The following WDTC1 variants were observed in gnomAD, a reference collection of about 807,000 sequenced individuals.
WDTC1 encodes WD and tetratricopeptide repeats 1, also known as WD and tetratricopeptide repeats protein 1.
A neutral mutation model predicts 76.0 loss-of-function variants in WDTC1; 12 were observed. That is an observed-to-expected ratio of 0.16 (90% confidence interval 0.10 to 0.26). WDTC1 has a LOEUF of 0.26. WDTC1 is among the 10% of genes least tolerant of loss of function. WDTC1 has a pLI of 1.00. For synonymous variants in WDTC1, 326 were observed against 350.8 expected (o/e 0.93, Z 0.79); for missense variants, 511 against 908.8 (o/e 0.56, Z 5.63).
intron 1 of WDTC1, among the ~76,000 whole-genome samples, chr1:27,237,416 C>G (rs2011513627): frequency 6.6e-6 from 1 of 152,158 alleles, no homozygotes; most frequent in Admixed American, 6.6e-5. Context: ...TGTTTCCTTT[C>G]TTCTTTCCAC....
rs2013024262 is a variant in WDTC1, at chr1:27,276,221, CA to C, written c.133-6017del. On this transcript the variant is annotated intron_variant, in intron 3 of 15. Coordinates refer to ENST00000319394, the MANE Select transcript of WDTC1 (RefSeq NM_001276252.2). The stretch of plus-strand genomic sequence containing the variant: ...AGTTTTTGTGTGGACATGTTTTCTT[CA>C]CTTTTCTTGGTATATACCGAAGGGT... Among the ~76,000 whole-genome samples, 2 of 152,104 alleles carry C rather than the reference CA, an allele frequency of 1.3e-5. 1 individual carries two copies.
chr1:27,251,534 T>C (rs1011285072), intron 1 of WDTC1, among the ~76,000 whole-genome samples: 1 of 152,112 alleles, frequency 6.6e-6, no homozygotes, highest in Non-Finnish European at 1.5e-5. Flanking sequence ...TAGTAGACCT[T>C]TGGGCCGGAG....
chr1:27,275,863 A>C (rs1379914416), intron 3 of WDTC1, among the ~76,000 whole-genome samples: 1 of 152,164 alleles, frequency 6.6e-6, no homozygotes, highest in Non-Finnish European at 1.5e-5. Flanking sequence ...TCATCACCCC[A>C]AAAAGGAACC....
At chr1:27,264,179 T>C (rs2012582717) in intron 3 of WDTC1, among the ~76,000 whole-genome samples, 1 of 152,026 alleles carries the variant, frequency 6.6e-6, no homozygotes, top group Non-Finnish European at 1.5e-5. Flanking sequence ...TCCCAGCTAT[T>C]TGGGAGGCTA....
At position 27,306,762 on chromosome 1, in the gene WDTC1, G is replaced by A. The variant is rs1372137283; in HGVS notation, c.*379G>A. 8.4e-6 allele frequency: 2 copies of A among 238,130 alleles called. No homozygotes were observed. Among genetic ancestry groups the A allele is most frequent in the African/African-American group, 2.2e-5 (1 of 44,502 alleles). The allele number at this position is 238,130 out of a possible 1,614,324, so 14.8% of individuals were successfully genotyped here. A position where few individuals can be genotyped will look rare whatever the true frequency, so the allele number is the denominator to read the frequency against. ...CCTGCCCTTTAGCTGGCAGCAGCAGGAGGAGTGGGATTCCCAATTGGTAAG... is the reference window on the plus strand; with the variant it reads ...CCTGCCCTTTAGCTGGCAGCAGCAGAAGGAGTGGGATTCCCAATTGGTAAG... On this transcript the variant is annotated 3_prime_UTR_variant, in exon 16 of 16. Coordinates refer to ENST00000319394, the MANE Select transcript of WDTC1 (RefSeq NM_001276252.2). The surrounding 1 kb of genome is among the most constrained non-coding windows in gnomAD (Gnocchi z 5.0).
intron 6 of WDTC1, among the ~76,000 whole-genome samples, chr1:27,288,983 A>ACCC (rs557860054): frequency 1.5e-4 from 18 of 120,196 alleles, no homozygotes; most frequent in South Asian, 1.1e-3. Flanking sequence ...CGGGGGGCTG[A>ACCC]CCCCCCCCCC....
chr1:27,295,741 A>G lies in WDTC1; in HGVS notation c.874-585A>G, dbSNP rs146770311. 7.2e-5 allele frequency among the ~76,000 whole-genome samples: 11 copies of G among 151,736 alleles called. 1 individual carries two copies. The East Asian group carries it at 2.1e-3, about 29-fold the overall frequency. ...AATGCTGGGATTACAGGCATTAACC[A>G]CTGCACCTGACCTTCTATTTTGTTT... On this transcript the variant is annotated intron_variant, in intron 9 of 15. Coordinates refer to ENST00000319394, the MANE Select transcript of WDTC1 (RefSeq NM_001276252.2).
intron 1 of WDTC1, among the ~76,000 whole-genome samples, chr1:27,246,311 A>G (rs2011828935): frequency 6.6e-6 from 1 of 152,234 alleles, no homozygotes; most frequent in Non-Finnish European, 1.5e-5. Flanking sequence ...ACATAAATAG[A>G]ACCATACGAC....
chr1:27,242,899 G>C (rs2011674931), intron 1 of WDTC1, among the ~76,000 whole-genome samples: 2 of 152,178 alleles, frequency 1.3e-5, no homozygotes, highest in African/African-American at 4.8e-5. Flanking sequence ...CTTCTGCAGA[G>C]AAAACCTCAA....
At position 27,282,233 on chromosome 1, in the gene WDTC1, C is replaced by T. The variant is rs1283714413; in HGVS notation, c.133-6C>T. On this transcript the variant is annotated splice_region_variant and splice_polypyrimidine_tract_variant and intron_variant, in intron 3 of 15. Coordinates refer to ENST00000319394, the MANE Select transcript of WDTC1 (RefSeq NM_001276252.2). ...TCTCTTCCTGTCTCTTCATTTGCTC[C>T]CCCAGGGTCACTCAGGATGTGTCAA... is the stretch of plus-strand genomic sequence containing the variant. 1.2e-6 allele frequency: 2 copies of T among 1,613,710 alleles called. No individual in the cohort carries two copies. Among genetic ancestry groups the T allele is most frequent in the Non-Finnish European group, 8.5e-7 (1 of 1,179,766 alleles).
chr1:27,246,608 C>A (rs1207135099), intron 1 of WDTC1, among the ~76,000 whole-genome samples: 5 of 151,550 alleles, frequency 3.3e-5, no homozygotes, highest in African/African-American at 1.2e-4. Flanking sequence ...GTCACTCAGG[C>A]TGGAGTGCAA....
At chr1:27,285,313 AG>A (rs1321302546) in intron 5 of WDTC1, among the ~76,000 whole-genome samples, 1 of 152,118 alleles carries the variant, frequency 6.6e-6, no homozygotes, top group African/African-American at 2.4e-5. Context: ...TTGGGATTAC[AG>A]GCATGAGCCA....
intron 1 of WDTC1, among the ~76,000 whole-genome samples, chr1:27,257,634 C>A (rs1266379423): frequency 6.6e-6 from 1 of 152,140 alleles, no homozygotes; most frequent in Admixed American, 6.6e-5. Flanking sequence ...CTGCAAAAAT[C>A]ATCATGAAAC....
chr1:27,282,420 T>C, intron 4 of WDTC1, 135 bp downstream of exon 4: 1 of 795,020 alleles, frequency 1.3e-6, no homozygotes, highest in Non-Finnish European at 2.0e-6. Context: ...CTGCCGTTCT[T>C]CAGCTTAGCC....
chr1:27,246,787 C>G (rs1300391731), intron 1 of WDTC1, among the ~76,000 whole-genome samples: 1 of 150,724 alleles, frequency 6.6e-6, no homozygotes, highest in Admixed American at 6.6e-5. Context: ...GTCTTGAACT[C>G]CTGACCTCAG....
chr1:27,294,458 C>T lies in WDTC1; in HGVS notation c.758-56C>T, dbSNP rs2013628014. 8 of 1,489,708 alleles carry T rather than the reference C, an allele frequency of 5.4e-6. No individual in the cohort carries two copies. In the South Asian group the frequency reaches 6.8e-5, roughly 13 times the overall value. The allele number at this position is 1,489,708 out of a possible 1,614,324, so 92.3% of individuals were successfully genotyped here. On this transcript the variant is annotated intron_variant, in intron 8 of 15. Coordinates refer to ENST00000319394, the MANE Select transcript of WDTC1 (RefSeq NM_001276252.2). The stretch of plus-strand genomic sequence containing the variant: ...TTTGATATGACTGACTTCACACAAT[C>T]TCATGCCCCTTTGAAAGGGACTGGG...
In WDTC1 at chr1:27,292,202, T is replaced by C; in HGVS notation, c.480-13T>C. ...CCCAAGCCCCAATTCCCTAACTCTG[T>C]CCTCTCTCACAGCCAGTATGACCTT... On this transcript the variant is annotated splice_polypyrimidine_tract_variant and intron_variant, in intron 6 of 15. Transcript: ENST00000319394. The C allele has an allele frequency of 6.5e-7, 1 of 1,545,212 alleles. No homozygotes were observed.
chr1:27,262,183 C>A (rs1303872525), intron 2 of WDTC1, among the ~76,000 whole-genome samples: 1 of 152,022 alleles, frequency 6.6e-6, no homozygotes, highest in East Asian at 1.9e-4. Context: ...CCACCTTGTC[C>A]TCCCAAAGTG....
intron 1 of WDTC1, 88 bp from the exon 2 acceptor site, chr1:27,260,868 A>G (rs1014289396): frequency 7.7e-6 from 5 of 653,328 alleles, no homozygotes; most frequent in Non-Finnish European, 1.3e-5. Flanking sequence ...GGGCCACTTC[A>G]CTGGGTGGGC....
Sources: gnomAD v4.1 joint callset for allele counts (sites outside exome capture counted in the v4.1 genomes callset) on GRCh38, gnomAD v4.1.1 for gene constraint, Gnocchi (gnomAD v3.1) non-coding constraint, MANE v1.5 for transcripts, NCBI Gene and HGNC (gene_info 2026-07-23, HGNC 2026-07-21) for gene names.